Variants in AUTS2 observed in about 807,000 individuals in gnomAD.
AUTS2 encodes activator of transcription and developmental regulator AUTS2.
In AUTS2, 17 loss-of-function variants were observed where a neutral mutation model predicts 112.4. The observed-to-expected ratio is 0.15, with a 90% confidence interval of 0.10 to 0.23. The LOEUF (loss-of-function observed/expected upper bound fraction) is 0.23. Ranked by LOEUF, AUTS2 falls within the 10% of genes least tolerant of loss-of-function variation. AUTS2 has a pLI of 1.00. For synonymous variants in AUTS2, 751 were observed against 702.7 expected (o/e 1.07, Z -1.09); for missense variants, 1,510 against 1,701.6 (o/e 0.89, Z 1.98).
At chr7:69,818,149 A>T (rs1459268971) in intron 1 of AUTS2, among the ~76,000 whole-genome samples, 2 of 152,166 alleles carry the variant, frequency 1.3e-5, no homozygotes, top group African/African-American at 4.8e-5. Context: ...CATTGATGAC[A>T]GCTTCCTTTC....
chr7:69,605,986 C>T (rs1283052045), intron 1 of AUTS2, among the ~76,000 whole-genome samples: 3 of 152,126 alleles, frequency 2.0e-5, no homozygotes, highest in African/African-American at 4.8e-5. Context: ...TGTGGTTGAA[C>T]GTTGTGATAT....
chr7:70,375,563 A>G (rs1188297940), intron 4 of AUTS2, among the ~76,000 whole-genome samples: 1 of 152,260 alleles, frequency 6.6e-6, no homozygotes, highest in Admixed American at 6.5e-5. Flanking sequence ...CAAAGTAAAT[A>G]TGTAATCCAC....
chr7:70,423,216 C>T (rs756614939), intron 4 of AUTS2, among the ~76,000 whole-genome samples: 37 of 152,172 alleles, frequency 2.4e-4, no homozygotes, highest in South Asian at 6.2e-4. Context: ...ATTCTCTCAG[C>T]AAATCCCCAT....
intron 4 of AUTS2, among the ~76,000 whole-genome samples, chr7:70,393,681 C>T (rs1050055309): frequency 6.6e-6 from 1 of 152,136 alleles, no homozygotes; most frequent in Non-Finnish European, 1.5e-5. Flanking sequence ...GCCAGCCACC[C>T]ATGCCAAAGC....
At chr7:69,975,894 G>T (rs1339915244) in intron 2 of AUTS2, among the ~76,000 whole-genome samples, 1 of 151,898 alleles carries the variant, frequency 6.6e-6, no homozygotes, top group African/African-American at 2.4e-5. Flanking sequence ...CACCATGTTG[G>T]CCAGGCTGGT....
intron 5 of AUTS2, among the ~76,000 whole-genome samples, chr7:70,510,925 T>A (rs550207704): frequency 3.3e-5 from 5 of 152,276 alleles, no homozygotes; most frequent in African/African-American, 1.2e-4. Flanking sequence ...CTTGGCTCAC[T>A]GCAACCTCCA....
Position 70,715,507 on chromosome 7 carries a change from TTTTTCTTTTCTTTTC to T in AUTS2, c.742+16912_742+16926del, listed in dbSNP as rs138855602. 3.1e-3 allele frequency among the ~76,000 whole-genome samples: 450 copies of T among 145,538 alleles called. 2 individuals are homozygous for T. Among genetic ancestry groups the T allele is most frequent in the Non-Finnish European group, 3.9e-3 (260 of 66,688 alleles). ...GCACTTCCTGCATCCTGCCTGTCTTTTTTTCTTTTCTTTTCTTTTCTTTTCTTTTCTTTTCTTTTT... is the reference window on the plus strand; with the variant it reads ...GCACTTCCTGCATCCTGCCTGTCTTTTTTTCTTTTCTTTTCTTTTCTTTTT... On this transcript the variant is annotated intron_variant, in intron 6 of 18. Coordinates refer to ENST00000342771, the MANE Select transcript of AUTS2 (RefSeq NM_015570.4).
At chr7:69,808,007 G>T (rs1248196743) in intron 1 of AUTS2, among the ~76,000 whole-genome samples, 1 of 145,640 alleles carries the variant, frequency 6.9e-6, no homozygotes, top group African/African-American at 2.6e-5. Flanking sequence ...GCAGTGGCAC[G>T]ATCTCCCAGG....
intron 4 of AUTS2, among the ~76,000 whole-genome samples, chr7:70,166,734 T>A (rs954440500): frequency 5.3e-5 from 8 of 152,178 alleles, no homozygotes; most frequent in Non-Finnish European, 1.0e-4. Context: ...TGACTTTTTT[T>A]AAAGTATAAT....
intron 4 of AUTS2, among the ~76,000 whole-genome samples, chr7:70,232,445 G>T (rs1445646978): frequency 6.6e-6 from 1 of 150,558 alleles, no homozygotes; most frequent in South Asian, 2.1e-4. Flanking sequence ...ACTCTGTCAC[G>T]CAGGCTGGAG....
chr7:70,777,306 T>C, intron 14 of AUTS2, 132 bp downstream of exon 14: 1 of 832,056 alleles, frequency 1.2e-6, no homozygotes, highest in Non-Finnish European at 2.0e-6. Context: ...ATCAAGCCTC[T>C]CTTGGAAAAG....
At chr7:69,987,237 A>G (rs991715172) in intron 2 of AUTS2, among the ~76,000 whole-genome samples, 1 of 152,228 alleles carries the variant, frequency 6.6e-6, no homozygotes, top group Admixed American at 6.5e-5. Flanking sequence ...AAGCTAGATT[A>G]GATGCAAAAT....
At chr7:70,129,114 C>T (rs1333557575) in intron 3 of AUTS2, among the ~76,000 whole-genome samples, 1 of 152,144 alleles carries the variant, frequency 6.6e-6, no homozygotes, top group Non-Finnish European at 1.5e-5. Flanking sequence ...GAGAAATTGG[C>T]TCAGTTTTGG....
chr7:69,797,303 C>G (rs1789888101), intron 1 of AUTS2, among the ~76,000 whole-genome samples: 1 of 152,046 alleles, frequency 6.6e-6, no homozygotes. Context: ...TTTCAGCTCC[C>G]CAAGCCATAG....
intron 4 of AUTS2, among the ~76,000 whole-genome samples, chr7:70,245,750 C>G (rs1258457839): frequency 2.6e-5 from 4 of 152,072 alleles, no homozygotes; most frequent in Non-Finnish European, 5.9e-5. Flanking sequence ...TTGAAATTTA[C>G]TTAGCATTAG....
At chr7:70,229,834 A>G (rs571106513) in intron 4 of AUTS2, among the ~76,000 whole-genome samples, 3 of 152,230 alleles carry the variant, frequency 2.0e-5, no homozygotes, top group Admixed American at 6.5e-5. Flanking sequence ...CTGCCGTTCA[A>G]ATCTCCTGGT....
At chr7:70,690,552 A>T (rs988164054) in intron 5 of AUTS2, among the ~76,000 whole-genome samples, 2 of 152,240 alleles carry the variant, frequency 1.3e-5, no homozygotes, top group Non-Finnish European at 2.9e-5. Flanking sequence ...TTCTCTGTAT[A>T]AAACGCTTAA....
At chr7:70,745,679 T>C (rs1471988568) in intron 6 of AUTS2, among the ~76,000 whole-genome samples, 1 of 152,222 alleles carries the variant, frequency 6.6e-6, no homozygotes, top group Non-Finnish European at 1.5e-5. Flanking sequence ...CCTTTAACAT[T>C]ATTTGCTTTT....
intron 5 of AUTS2, among the ~76,000 whole-genome samples, chr7:70,679,069 AT>A (rs1436530208): frequency 6.6e-6 from 1 of 152,224 alleles, no homozygotes; most frequent in African/African-American, 2.4e-5. Flanking sequence ...ATGTAATCAT[AT>A]ACCAAGCATA....
Sources: gnomAD v4.1 joint callset for allele counts (sites outside exome capture counted in the v4.1 genomes callset) on GRCh38, gnomAD v4.1.1 for gene constraint, MANE v1.5 for transcripts, NCBI Gene and HGNC (gene_info 2026-07-23, HGNC 2026-07-21) for gene names.